GREB1: variants seen among roughly 807,000 people sequenced by gnomAD.
GREB1 encodes the protein protein GREB1.
GREB1 carries 106 observed loss-of-function variants against 200.7 expected under a neutral mutation model. That is an observed-to-expected ratio of 0.53 (90% CI 0.45 to 0.62). The LOEUF (loss-of-function observed/expected upper bound fraction) is 0.62, where lower values mean the gene tolerates loss of function less well. GREB1 is among the 20% of genes least tolerant of loss of function. GREB1 has a pLI of 0.00. For synonymous variants in GREB1, 1,132 were observed against 1,092.4 expected (o/e 1.04, Z -0.72); for missense variants, 2,243 against 2,556.8 (o/e 0.88, Z 2.65).
chr2:11,636,767 G>T (rs1326660843), intron 30 of GREB1, among the ~76,000 whole-genome samples: 3 of 87,134 alleles, frequency 3.4e-5, no homozygotes, highest in Non-Finnish European at 8.0e-5. Context: ...GGCAAGGGCA[G>T]GGGCAGGGGC....
At chr2:11,485,165 A>G (rs1672625053) in intron 1 of GREB1, among the ~76,000 whole-genome samples, 1 of 152,094 alleles carries the variant, frequency 6.6e-6, no homozygotes, top group Non-Finnish European at 1.5e-5. Flanking sequence ...GTTTAAAATG[A>G]TTCCGATTCA....
chr2:11,551,155 C>G (rs965051572), intron 1 of GREB1, among the ~76,000 whole-genome samples: 1 of 152,172 alleles, frequency 6.6e-6, no homozygotes, highest in African/African-American at 2.4e-5. Context: ...GCCCATGGTG[C>G]TTCTGGGATC....
At chr2:11,573,209 C>T (rs1558565996) in intron 4 of GREB1, among the ~76,000 whole-genome samples, 1 of 152,202 alleles carries the variant, frequency 6.6e-6, no homozygotes, top group Non-Finnish European at 1.5e-5. Context: ...GAGGCTTCCT[C>T]AGTGGCCAGC....
chr2:11,501,904 TG>T (rs542432559), intron 1 of GREB1, among the ~76,000 whole-genome samples: 4,586 of 33,158 alleles, frequency 0.14, 1,197 homozygotes, highest in Non-Finnish European at 0.15. Flanking sequence ...TGTTTTTTTT[TG>T]TTTTTTTTTT....
intron 4 of GREB1, 68 bp from the exon 5 acceptor site, chr2:11,576,285 T>C: frequency 7.6e-7 from 1 of 1,307,824 alleles, no homozygotes; most frequent in Non-Finnish European, 1.1e-6. Context: ...CCAGCCTAGA[T>C]GACAAGAACG....
upstream of GREB1, among the ~76,000 whole-genome samples, chr2:11,531,952 A>T (rs747182455): frequency 2.0e-5 from 3 of 152,206 alleles, no homozygotes; most frequent in Non-Finnish European, 4.4e-5. Context: ...AGAAAATTAC[A>T]ATTAGATTAG....
chr2:11,524,775 G>A (rs529401739), intron 1 of GREB1, among the ~76,000 whole-genome samples: 1 of 152,286 alleles, frequency 6.6e-6, no homozygotes, highest in African/African-American at 2.4e-5. Context: ...CCACTTCCTG[G>A]CTAGCAGAAC....
rs1680865460 is a variant in GREB1 at position 11,592,777 on chromosome 2, C to T, written c.1347C>T (p.Ala449=). The part of the protein sequence containing the change: ...LLTVYYLVQL[A]ADQVPLMEDL... ...CCCTCCGCCCGCATTGTGTTGCAGC[C>T]GCGGACCAGGTGCCCTTGATGGAGG... Residue 449 remains alanine (A), a splice_region_variant and synonymous_variant, in exon 11 of 33, where the codon GCC becomes GCT. Coordinates refer to ENST00000381486, the MANE Select transcript of GREB1 (RefSeq NM_014668.4). 6.6e-7 allele frequency: 1 copy of T among 1,512,624 alleles called. No homozygotes were observed. The allele number at this position is 1,512,624 out of a possible 1,614,324, so 93.7% of individuals were successfully genotyped here.
chr2:11,492,479 C>T lies in GREB1; in HGVS notation c.-159+10098C>T, dbSNP rs971516902. ...CAGCTGTGTTATCACAGTCTGTGAT[C>T]TGGAGCCGGCTTTGCATGGCAGAGG... On this transcript the variant is annotated intron_variant, in intron 1 of 2. Transcript: ENST00000628795. This position sits in a 1 kb window ranked among gnomAD's most constrained non-coding sequence, Gnocchi z 4.0. Among the ~76,000 whole-genome samples, 13 of 152,124 alleles carry T rather than the reference C, an allele frequency of 8.5e-5. No homozygotes were observed. Among genetic ancestry groups the T allele is most frequent in the Admixed American group, 7.9e-4 (12 of 15,274 alleles).
At chr2:11,527,147 G>GT (rs1673905298) in intron 1 of GREB1, among the ~76,000 whole-genome samples, 1 of 152,046 alleles carries the variant, frequency 6.6e-6, no homozygotes, top group Non-Finnish European at 1.5e-5. Context: ...ACTACTATTA[G>GT]TTTTTTGTCC....
intron 1 of GREB1, among the ~76,000 whole-genome samples, chr2:11,512,811 A>G (rs543299048): frequency 6.6e-6 from 1 of 152,362 alleles, no homozygotes; most frequent in South Asian, 2.1e-4. Flanking sequence ...GAAGAATCCT[A>G]AGAAAAGAAT....
chr2:11,527,740 C>T (rs896674953), intron 1 of GREB1, among the ~76,000 whole-genome samples: 2 of 152,204 alleles, frequency 1.3e-5, no homozygotes, highest in Non-Finnish European at 2.9e-5. Flanking sequence ...TCATGTAGTT[C>T]AGGGTCCTAC....
At chr2:11,514,537 G>A (rs907128286) in intron 1 of GREB1, among the ~76,000 whole-genome samples, 1 of 152,196 alleles carries the variant, frequency 6.6e-6, no homozygotes, top group South Asian at 2.1e-4. Flanking sequence ...TTGACCCTCA[G>A]CAATGTTTGT....
At chr2:11,531,779 C>T (rs576646086), upstream of GREB1, among the ~76,000 whole-genome samples, 19 of 152,184 alleles carry the variant, frequency 1.2e-4, no homozygotes, top group African/African-American at 3.9e-4. Flanking sequence ...CCCTGTTGGC[C>T]GGGCTGGTCT....
At chr2:11,495,796 G>GTTTTTTTT (rs71393887) in intron 1 of GREB1, among the ~76,000 whole-genome samples, 1 of 137,010 alleles carries the variant, frequency 7.3e-6, no homozygotes, top group African/African-American at 2.7e-5. Context: ...AAGTCCCCCC[G>GTTTTTTTT]TTTTTTTTTT....
chr2:11,592,909 G>A lies in GREB1; in HGVS notation c.1479G>A (p.Ala493=), dbSNP rs759449629. Residue 493 remains alanine, a synonymous_variant, in exon 11 of 33, where the codon GCG becomes GCA. Coordinates refer to ENST00000381486, the MANE Select transcript of GREB1 (RefSeq NM_014668.4). ...CCTTCCCGCCCGCGCCCAGCGCCGCGGCACCCGTGACCTCCGCGCAGCTGC... is the reference window on the plus strand; with the variant it reads ...CCTTCCCGCCCGCGCCCAGCGCCGCAGCACCCGTGACCTCCGCGCAGCTGC... ...PQPFPPAPSA[A]APVTSAQLPW... 13 of 1,589,400 alleles carry A rather than the reference G, an allele frequency of 8.2e-6. No individual in the cohort carries two copies. The African/African-American group carries it at 1.1e-4, about 13-fold the overall frequency.
chr2:11,610,941 C>T lies in GREB1; in HGVS notation c.2920C>T (p.Leu974=), dbSNP rs1572912490. Residue 974 remains leucine, a synonymous_variant, in exon 18 of 33, where the codon CTG becomes TTG. Transcript: ENST00000381486. Reference sequence around the variant, plus strand: ...GCGGCTGGCCCACGTGCGGGCCCGGCTGGCGCTGGAGGAGCACTTTGAGAT... The same window carrying T: ...GCGGCTGGCCCACGTGCGGGCCCGGTTGGCGCTGGAGGAGCACTTTGAGAT... ...YERLAHVRAR[L]ALEEHFEIIL... 6.2e-7 allele frequency: 1 copy of T among 1,610,866 alleles called. No homozygotes were observed. The highest frequency in any genetic ancestry group is 8.5e-7 in the Non-Finnish European group (1 of 1,178,946).
chr2:11,630,112 A>T lies in GREB1; in HGVS notation c.4611+3A>T. 1 of 1,614,090 alleles carries T rather than the reference A, an allele frequency of 6.2e-7. No individual in the cohort carries two copies. Among genetic ancestry groups the T allele is most frequent in the Non-Finnish European group, 8.5e-7 (1 of 1,179,932 alleles). On this transcript the variant is annotated splice_donor_region_variant and intron_variant, in intron 26 of 32. Coordinates refer to ENST00000381486, the MANE Select transcript of GREB1 (RefSeq NM_014668.4). The stretch of plus-strand genomic sequence containing the variant: ...GACTACCCCTCGTGACAGACAAGGT[A>T]CTGGCTCAGAGACCTAGTGGGACAG...
intron 1 of GREB1, among the ~76,000 whole-genome samples, chr2:11,515,002 C>T (rs1225017803): frequency 6.6e-6 from 1 of 151,752 alleles, no homozygotes; most frequent in Non-Finnish European, 1.5e-5. Context: ...ATGTGTCCAT[C>T]CTCTCATCTC....
Sources: allele counts gnomAD v4.1 joint callset (sites outside exome capture counted in the v4.1 genomes callset), GRCh38; gene constraint gnomAD v4.1.1; non-coding constraint Gnocchi (gnomAD v3.1); transcripts MANE v1.5; gene names NCBI Gene and HGNC (gene_info 2026-07-23, HGNC 2026-07-21).